Variants in GPHN observed in about 807,000 individuals in gnomAD.
GPHN encodes the protein gephyrin.
In GPHN, 17 loss-of-function variants were observed where a neutral mutation model predicts 95.5. That is an observed-to-expected ratio of 0.18 (90% CI 0.12 to 0.27). The LOEUF (loss-of-function observed/expected upper bound fraction) is 0.27, where lower values mean the gene tolerates loss of function less well. GPHN is among the 10% of genes least tolerant of loss of function. The pLI, the probability that GPHN is intolerant of heterozygous loss-of-function variation, is 1.00. For missense variants in GPHN, 660 were observed against 978.1 expected, an observed-to-expected ratio of 0.67 and a Z score of 4.34; for synonymous variants, 320 against 322.5, an observed-to-expected ratio of 0.99 and a Z score of 0.08.
At chr14:66,664,563 A>G (rs1403627885) in intron 1 of GPHN, among the ~76,000 whole-genome samples, 3 of 152,216 alleles carry the variant, frequency 2.0e-5, no homozygotes, top group Admixed American at 1.3e-4. Flanking sequence ...TAATGTCACA[A>G]TGAAAAGAAC....
chr14:67,646,993 C>G, the GPHN span: 2 of 1,612,720 alleles, frequency 1.2e-6, no homozygotes, highest in Admixed American at 1.7e-5. Flanking sequence ...TCCAGAAGGT[C>G]ATGGAACGAA....
At chr14:66,778,226 T>A (rs1566935440) in intron 3 of GPHN, among the ~76,000 whole-genome samples, 1 of 152,146 alleles carries the variant, frequency 6.6e-6, no homozygotes, top group Non-Finnish European at 1.5e-5. Context: ...CATTCACAAT[T>A]GCTTCAAGGA....
chr14:67,506,750 C>G, the GPHN span, among the ~76,000 whole-genome samples: 1 of 152,094 alleles, frequency 6.6e-6, no homozygotes, highest in Non-Finnish European at 1.5e-5. Flanking sequence ...CTTTGGGAGG[C>G]CAAGGCAGGC....
intron 2 of GPHN, among the ~76,000 whole-genome samples, chr14:66,703,747 A>C (rs531491458): frequency 1.3e-5 from 2 of 152,306 alleles, no homozygotes; most frequent in East Asian, 3.9e-4. Context: ...CAAAATAACC[A>C]GGTAGCATCA....
the GPHN span, among the ~76,000 whole-genome samples, chr14:67,511,652 C>T: frequency 6.6e-6 from 1 of 152,152 alleles, no homozygotes; most frequent in African/African-American, 2.4e-5. Flanking sequence ...AGTGGAAGCA[C>T]CAAAATCAGA....
At chr14:66,535,961 C>T (rs2059127904) in intron 1 of GPHN, among the ~76,000 whole-genome samples, 1 of 152,038 alleles carries the variant, frequency 6.6e-6, no homozygotes, top group South Asian at 2.1e-4. Flanking sequence ...ATTGCAATGG[C>T]CAAGGCTTCT....
At chr14:66,570,991 C>T (rs911430477) in intron 1 of GPHN, among the ~76,000 whole-genome samples, 3 of 151,932 alleles carry the variant, frequency 2.0e-5, no homozygotes, top group Non-Finnish European at 2.9e-5. Flanking sequence ...AGTTTGAGTT[C>T]CTTATATATT....
At chr14:67,124,934 C>T (rs2079212723) in intron 17 of GPHN, among the ~76,000 whole-genome samples, 1 of 151,982 alleles carries the variant, frequency 6.6e-6, no homozygotes, top group Non-Finnish European at 1.5e-5. Context: ...TTTCTGGGAT[C>T]CACACTGTTA....
chr14:67,276,200 TA>T, the GPHN span, among the ~76,000 whole-genome samples: 23,401 of 151,938 alleles, frequency 0.15, 3,378 homozygotes, highest in East Asian at 0.42. Flanking sequence ...ATTTTCAGGG[TA>T]AAGATCTAAA....
At chr14:66,720,100 A>G (rs2070589472) in intron 2 of GPHN, among the ~76,000 whole-genome samples, 1 of 152,206 alleles carries the variant, frequency 6.6e-6, no homozygotes, top group African/African-American at 2.4e-5. Flanking sequence ...TGCTCAATGG[A>G]TCATTATATA....
the GPHN span, chr14:67,582,271 C>T: frequency 1.6e-5 from 26 of 1,609,754 alleles, no homozygotes; most frequent in Non-Finnish European, 2.5e-6. The surrounding 1 kb of genome is among the most constrained non-coding windows in gnomAD (Gnocchi z 5.0). Context: ...ATGCACCATG[C>T]AGCCTGAAAC....
the GPHN span, among the ~76,000 whole-genome samples, chr14:67,479,537 G>A: frequency 6.6e-6 from 1 of 151,688 alleles, no homozygotes; most frequent in Admixed American, 6.6e-5. Flanking sequence ...GGCCAACATG[G>A]TGAAACCACA....
the GPHN span, among the ~76,000 whole-genome samples, chr14:67,614,278 G>A: frequency 6.6e-6 from 1 of 152,096 alleles, no homozygotes; most frequent in African/African-American, 2.4e-5. Context: ...TAGGAGTGGT[G>A]GCTGTTCCTT....
chr14:66,620,825 T>TA (rs1435141667), intron 1 of GPHN, among the ~76,000 whole-genome samples: 2 of 152,152 alleles, frequency 1.3e-5, no homozygotes. Flanking sequence ...TATAAGCCTG[T>TA]AAAATCAGAA....
chr14:67,360,244 G>T, the GPHN span: 13 of 399,422 alleles, frequency 3.3e-5, no homozygotes, highest in Non-Finnish European at 5.3e-5. Flanking sequence ...ATTCGTCCTT[G>T]TTCTCGGAGG....
intron 18 of GPHN, among the ~76,000 whole-genome samples, chr14:67,158,259 A>G (rs1474597463): frequency 6.7e-6 from 1 of 150,094 alleles, no homozygotes; most frequent in Non-Finnish European, 1.5e-5. Flanking sequence ...GTGAGCCAAG[A>G]TCGCACCGTT....
chr14:67,657,596 G>A, the GPHN span, among the ~76,000 whole-genome samples: 12 of 124,270 alleles, frequency 9.7e-5, no homozygotes, highest in East Asian at 4.8e-4. Flanking sequence ...ACGCGCGCGC[G>A]TGCACACACA....
chr14:67,621,497 C>T, the GPHN span, among the ~76,000 whole-genome samples: 2 of 151,610 alleles, frequency 1.3e-5, no homozygotes, highest in African/African-American at 4.8e-5. Context: ...ATTCCATCAC[C>T]CAGGCTGGAG....
intron 8 of GPHN, among the ~76,000 whole-genome samples, chr14:66,940,390 G>A (rs930611434): frequency 4.6e-5 from 7 of 152,106 alleles, no homozygotes; most frequent in African/African-American, 1.2e-4. Context: ...GCATATACCC[G>A]AGGTATGTGA....
Sources: gnomAD v4.1 joint callset for allele counts (sites outside exome capture counted in the v4.1 genomes callset) on GRCh38, gnomAD v4.1.1 for gene constraint, Gnocchi (gnomAD v3.1) non-coding constraint, MANE v1.5 for transcripts, NCBI Gene and HGNC (gene_info 2026-07-23, HGNC 2026-07-21) for gene names.